MAP4: variants seen among roughly 807,000 people sequenced by gnomAD.
MAP4 encodes the protein microtubule-associated protein 4.
A neutral mutation model predicts 170.2 loss-of-function variants in MAP4; 76 were observed. That is an observed-to-expected ratio of 0.45 (90% confidence interval 0.37 to 0.54). MAP4 has a LOEUF of 0.54. MAP4 is among the 20% of genes least tolerant of loss of function. The pLI, the probability that MAP4 is intolerant of heterozygous loss-of-function variation, is 0.00. For synonymous variants in MAP4, 909 were observed against 994.5 expected (o/e 0.91, Z 1.62); for missense variants, 2,506 against 2,748.0 (o/e 0.91, Z 1.97).
intron 2 of MAP4, among the ~76,000 whole-genome samples, chr3:47,985,865 G>A (rs367654621): frequency 4.6e-5 from 7 of 152,292 alleles, no homozygotes; most frequent in Admixed American, 4.6e-4. Flanking sequence ...AATGAAATAA[G>A]GTTCGTGGAT....
At position 47,909,784 on chromosome 3, in the gene MAP4, C is replaced by T; in HGVS notation, c.4637G>A (p.Gly1546Glu). The T allele has an allele frequency of 1.9e-6, 3 of 1,614,016 alleles. No homozygotes were observed. In the South Asian group the frequency reaches 3.3e-5, roughly 18 times the overall value. The change falls in exon 9 of 21, where the codon GGG (glycine) becomes GAG (glutamate). Residue 1546 changes from glycine to glutamate, a missense_variant. Transcript: ENST00000683076. The stretch of plus-strand genomic sequence containing the variant: ...TGACTCAGATTCTCCTATCACATGC[C>T]CTTCATCGATCCCTGCTTCATTTTT... ...SMKNEAGIDE[G>E]HVIGESESVH...
intron 2 of MAP4, among the ~76,000 whole-genome samples, chr3:47,998,024 A>T (rs1315379251): frequency 6.6e-6 from 1 of 152,212 alleles, no homozygotes; most frequent in Non-Finnish European, 1.5e-5. Context: ...AAAAATATCA[A>T]TTCTATGCAA....
At chr3:48,030,054 A>G (rs1326209238) in intron 1 of MAP4, among the ~76,000 whole-genome samples, 3 of 147,702 alleles carry the variant, frequency 2.0e-5, no homozygotes, top group Non-Finnish European at 3.0e-5. Context: ...TGTATTATAT[A>G]TTACATATTC....
intron 9 of MAP4, among the ~76,000 whole-genome samples, chr3:47,905,556 A>C (rs958947487): frequency 1.3e-5 from 2 of 151,888 alleles, no homozygotes; most frequent in African/African-American, 2.4e-5. Flanking sequence ...AAAAAAAAAA[A>C]ACCCCACAAA....
At chr3:47,912,543 A>C in intron 8 of MAP4, 122 bp from the exon 9 acceptor site, 1 of 735,526 alleles carries the variant, frequency 1.4e-6, no homozygotes, top group Non-Finnish European at 2.0e-6. Context: ...TCACTAATAC[A>C]TATAGTACTT....
chr3:48,061,180 ACCTCCC>A lies in MAP4; in HGVS notation c.-20+27587_-20+27592del, dbSNP rs771538900. ...CTTAAAATTTAATATGAAAATGAAC[ACCTCCC>A]CCTCCCCCTCCCCCTCTCCCTCTCC... On this transcript the variant is annotated intron_variant, in intron 1 of 18. Coordinates refer to the MAP4 transcript ENST00000360240. Among the ~76,000 whole-genome samples, 441 of 146,404 alleles carry A rather than the reference ACCTCCC, an allele frequency of 3.0e-3. 1 individual carries two copies. The highest frequency in any genetic ancestry group is 5.4e-3 in the Non-Finnish European group (362 of 66,532).
intron 10 of MAP4, among the ~76,000 whole-genome samples, chr3:47,885,463 T>G (rs1053678318): frequency 1.3e-5 from 2 of 152,200 alleles, no homozygotes; most frequent in African/African-American, 4.8e-5. Context: ...CCTACCAGGT[T>G]TGCCTTCTTT....
intron 5 of MAP4, among the ~76,000 whole-genome samples, chr3:47,919,347 G>A (rs931146199): frequency 5.3e-5 from 8 of 151,114 alleles, no homozygotes; most frequent in African/African-American, 1.5e-4. Context: ...TCGCACTGTC[G>A]CCTGGGCTGG....
intron 10 of MAP4, among the ~76,000 whole-genome samples, chr3:47,880,476 T>TTG (rs1233441373): frequency 6.8e-6 from 1 of 146,862 alleles, no homozygotes; most frequent in Non-Finnish European, 1.5e-5. Flanking sequence ...TTTTTTTTTT[T>TTG]TTTTTTTTTT....
In MAP4 at chr3:47,852,797, G is replaced by A; in HGVS notation, c.*137C>T. On this transcript the variant is annotated 3_prime_UTR_variant, in exon 21 of 21. Coordinates refer to ENST00000683076, the MANE Select transcript of MAP4 (RefSeq NM_001385682.1). ...GCGCCCAAGCGCTCACTGGTCTAGTGGACAGCCCGGGAAAGGGGGCCAAGG... is the reference window on the plus strand; with the variant it reads ...GCGCCCAAGCGCTCACTGGTCTAGTAGACAGCCCGGGAAAGGGGGCCAAGG... The A allele has an allele frequency of 6.5e-7, 1 of 1,548,914 alleles. No individual in the cohort carries two copies. The highest frequency in any genetic ancestry group is 8.7e-7 in the Non-Finnish European group (1 of 1,146,900).
chr3:47,907,088 GCCTCC>G (rs1221720205), intron 9 of MAP4, among the ~76,000 whole-genome samples: 24 of 152,260 alleles, frequency 1.6e-4, no homozygotes, highest in African/African-American at 5.5e-4. Flanking sequence ...GCCTGCCTCG[GCCTCC>G]CAAAGTGCTG....
At chr3:47,967,261 G>A (rs368934942) in intron 3 of MAP4, among the ~76,000 whole-genome samples, 1 of 152,170 alleles carries the variant, frequency 6.6e-6, no homozygotes, top group African/African-American at 2.4e-5. Context: ...GCTTGAACCC[G>A]GAGGCGGAGG....
chr3:47,955,437 C>CACGT (rs1553659678), intron 3 of MAP4, among the ~76,000 whole-genome samples: 6 of 11,762 alleles, frequency 5.1e-4, no homozygotes, highest in Non-Finnish European at 1.9e-3. Context: ...TAAGCACGTA[C>CACGT]ACACACACAC....
At chr3:48,083,732 C>CA (rs1559922166) in intron 1 of MAP4, among the ~76,000 whole-genome samples, 1 of 143,586 alleles carries the variant, frequency 7.0e-6, no homozygotes, top group African/African-American at 2.6e-5. Flanking sequence ...GTAAGATTAA[C>CA]TTTTTTTTTT....
chr3:48,038,708 C>T (rs1342119623), intron 1 of MAP4, among the ~76,000 whole-genome samples: 1 of 152,204 alleles, frequency 6.6e-6, no homozygotes, highest in South Asian at 2.1e-4. Flanking sequence ...GATCCGCCCG[C>T]CTCGGCCTCC....
chr3:47,883,091 G>A (rs1284455583), intron 10 of MAP4, among the ~76,000 whole-genome samples: 1 of 151,838 alleles, frequency 6.6e-6, no homozygotes, highest in East Asian at 1.9e-4. Flanking sequence ...GATTACAGGT[G>A]TGAGCCACTG....
Position 47,971,582 on chromosome 3 carries a change from C to A in MAP4, c.292+6283G>T, listed in dbSNP as rs936996009. On this transcript the variant is annotated intron_variant, in intron 3 of 20. Transcript: ENST00000683076. ...ACGATGGAAACAACCAGTAACACTG[C>A]CATTTGTACAGCACTTAGTGCAATG... Among the ~76,000 whole-genome samples the A allele has an allele frequency of 5.9e-5, 9 of 152,184 alleles. No individual in the cohort carries two copies. The East Asian group carries it at 1.7e-3, about 29-fold the overall frequency.
intron 3 of MAP4, among the ~76,000 whole-genome samples, chr3:47,970,908 A>G (rs1036910752): frequency 1.3e-5 from 2 of 152,228 alleles, no homozygotes; most frequent in African/African-American, 2.4e-5. Context: ...ACAAAGCCCC[A>G]AAAGAAACTG....
rs1204496224 is a variant in MAP4, at chr3:48,056,509, C to T, written c.-20+32264G>A. ...AGGTGGGGGGGGTCAGCCCTCCCCC[C>T]GGCCAGCCGCCCCGTCTGGGAGGTG... On this transcript the variant is annotated intron_variant, in intron 1 of 18. Coordinates refer to the MAP4 transcript ENST00000360240. Among the ~76,000 whole-genome samples the T allele has an allele frequency of 2.1e-4, 16 of 75,182 alleles. 1 individual carries two copies. In the East Asian group the frequency reaches 3.5e-3, roughly 17 times the overall value. 49.3% of individuals were successfully genotyped at this position (75,182 alleles called of 152,430 possible). A position where few individuals can be genotyped will look rare whatever the true frequency, so the allele number is the denominator to read the frequency against.
Sources: gnomAD v4.1 joint callset for allele counts (sites outside exome capture counted in the v4.1 genomes callset) on GRCh38, gnomAD v4.1.1 for gene constraint, MANE v1.5 for transcripts, NCBI Gene and HGNC (gene_info 2026-07-23, HGNC 2026-07-21) for gene names.